LRRTM4: variants seen among roughly 807,000 people sequenced by gnomAD.
LRRTM4 encodes the protein leucine-rich repeat transmembrane neuronal protein 4.
LRRTM4 carries 25 observed loss-of-function variants against 47.6 expected under a neutral mutation model. That is an observed-to-expected ratio of 0.53 (90% CI 0.38 to 0.73). The LOEUF is 0.73. Ranked by LOEUF, LRRTM4 falls within the 30% of genes least tolerant of loss-of-function variation. LRRTM4 has a pLI of 0.00. For missense variants in LRRTM4, 638 were observed against 713.4 expected (o/e 0.89, Z 1.20); for synonymous variants, 311 against 269.5 (o/e 1.15, Z -1.51).
At chr2:77,428,589 G>A (rs1197879912) in intron 3 of LRRTM4, among the ~76,000 whole-genome samples, 1 of 152,062 alleles carries the variant, frequency 6.6e-6, no homozygotes, top group Non-Finnish European at 1.5e-5. Flanking sequence ...TTTTTAAAAG[G>A]TTCACATTTT....
At chr2:76,876,767 A>G (rs1672790873) in intron 3 of LRRTM4, among the ~76,000 whole-genome samples, 1 of 152,042 alleles carries the variant, frequency 6.6e-6, no homozygotes, top group South Asian at 2.1e-4. Flanking sequence ...ACAACAGTAT[A>G]TAATACTTGT....
rs372820350 is a variant in LRRTM4 at position 76,760,950 on chromosome 2, G to A, written c.1552-12034C>T. ...GGTTCTCAGTCCTGGCTGCAACTTT[G>A]ACAAATCTGTAGTGATTTTAAAAAC... On this transcript the variant is annotated intron_variant, in intron 3 of 3. Coordinates refer to ENST00000409884, the MANE Select transcript of LRRTM4 (RefSeq NM_001134745.3). 3.3e-4 allele frequency among the ~76,000 whole-genome samples: 50 copies of A among 152,294 alleles called. No homozygotes were observed. The South Asian group carries it at 9.7e-3, about 30-fold the overall frequency.
At chr2:77,358,173 T>C (rs1672043264) in intron 3 of LRRTM4, among the ~76,000 whole-genome samples, 1 of 152,166 alleles carries the variant, frequency 6.6e-6, no homozygotes, top group Admixed American at 6.5e-5. Flanking sequence ...CATCTGAGCC[T>C]GGGTAATTTA....
chr2:76,939,079 C>T (rs1675048438), intron 3 of LRRTM4, among the ~76,000 whole-genome samples: 1 of 151,944 alleles, frequency 6.6e-6, no homozygotes, highest in Non-Finnish European at 1.5e-5. Context: ...TATTCAGACT[C>T]CAACAACTTT....
At chr2:76,766,696 G>A (rs984981789) in intron 3 of LRRTM4, among the ~76,000 whole-genome samples, 1 of 152,126 alleles carries the variant, frequency 6.6e-6, no homozygotes, top group Admixed American at 6.6e-5. Context: ...TGAAGTAACT[G>A]GTTTCTGCTA....
At chr2:76,992,389 A>C (rs1015024766) in intron 3 of LRRTM4, among the ~76,000 whole-genome samples, 3 of 151,750 alleles carry the variant, frequency 2.0e-5, no homozygotes, top group African/African-American at 4.8e-5. Flanking sequence ...AACCCTAAAG[A>C]CTTTGCCTAA....
intron 3 of LRRTM4, among the ~76,000 whole-genome samples, chr2:76,929,890 TA>T (rs1314558054): frequency 6.6e-6 from 1 of 151,862 alleles, no homozygotes; most frequent in Non-Finnish European, 1.5e-5. Context: ...TGTTTTGTAC[TA>T]AAATTCTAAA....
chr2:77,347,425 T>A (rs546636342), intron 3 of LRRTM4, among the ~76,000 whole-genome samples: 2 of 152,196 alleles, frequency 1.3e-5, no homozygotes, highest in African/African-American at 4.8e-5. Context: ...ACTATTGGAC[T>A]ATTTATTTAT....
chr2:77,013,356 C>T (rs751850420), intron 3 of LRRTM4, among the ~76,000 whole-genome samples: 2 of 152,078 alleles, frequency 1.3e-5, no homozygotes, highest in Admixed American at 6.6e-5. Context: ...TCCCTCAGCT[C>T]GCAGGCAATA....
At chr2:76,972,099 T>C (rs550772680) in intron 3 of LRRTM4, among the ~76,000 whole-genome samples, 3 of 152,158 alleles carry the variant, frequency 2.0e-5, no homozygotes, top group East Asian at 3.9e-4. Flanking sequence ...CAGTCAGTTC[T>C]ATACTAACTC....
chr2:76,916,404 A>G (rs942397186), intron 3 of LRRTM4, among the ~76,000 whole-genome samples: 3 of 126,316 alleles, frequency 2.4e-5, no homozygotes, highest in Admixed American at 8.7e-5. Flanking sequence ...AAAAAAAAAA[A>G]AAAGAAAAGA....
chr2:77,108,733 G>T (rs965823156), intron 3 of LRRTM4, among the ~76,000 whole-genome samples: 4 of 151,566 alleles, frequency 2.6e-5, no homozygotes, highest in South Asian at 2.1e-4. Context: ...ACAGGCGCCC[G>T]CCACCACGCC....
chr2:76,941,569 G>GT (rs1675143790), intron 3 of LRRTM4, among the ~76,000 whole-genome samples: 1 of 151,696 alleles, frequency 6.6e-6, no homozygotes, highest in South Asian at 2.1e-4. Context: ...GCGATTTTTG[G>GT]TTTTTTGTTC....
At chr2:77,434,507 A>G (rs1675514154) in intron 3 of LRRTM4, among the ~76,000 whole-genome samples, 1 of 152,140 alleles carries the variant, frequency 6.6e-6, no homozygotes, top group African/African-American at 2.4e-5. Context: ...TCTTTTAAAA[A>G]CAGTCTTAAA....
At chr2:77,312,879 T>A (rs1023108200) in intron 3 of LRRTM4, among the ~76,000 whole-genome samples, 1 of 152,106 alleles carries the variant, frequency 6.6e-6, no homozygotes, top group Non-Finnish European at 1.5e-5. Flanking sequence ...TGAGGTCAAG[T>A]GAGTGGTTAG....
intron 3 of LRRTM4, among the ~76,000 whole-genome samples, chr2:77,130,822 CTATTT>C (rs1671776884): frequency 9.6e-5 from 5 of 52,030 alleles, no homozygotes. Flanking sequence ...ATTATTTGTT[CTATTT>C]TTTTTTTTTT....
At chr2:77,128,722 C>T (rs1671719177) in intron 3 of LRRTM4, among the ~76,000 whole-genome samples, 1 of 152,190 alleles carries the variant, frequency 6.6e-6, no homozygotes, top group Non-Finnish European at 1.5e-5. Context: ...TTGCTGCTAC[C>T]TCCGCCTCCC....
At chr2:76,795,449 G>C (rs977624816) in intron 3 of LRRTM4, among the ~76,000 whole-genome samples, 1 of 151,960 alleles carries the variant, frequency 6.6e-6, no homozygotes, top group Admixed American at 6.6e-5. Context: ...ATAAAACATT[G>C]TAATGACTAT....
chr2:76,831,668 A>G (rs1351387074), intron 3 of LRRTM4, among the ~76,000 whole-genome samples: 1 of 152,148 alleles, frequency 6.6e-6, no homozygotes, highest in Non-Finnish European at 1.5e-5. Flanking sequence ...ACCATGGTGT[A>G]ATGAATATGT....
Sources: gnomAD v4.1 joint callset for allele counts (sites outside exome capture counted in the v4.1 genomes callset) on GRCh38, gnomAD v4.1.1 for gene constraint, MANE v1.5 for transcripts, NCBI Gene and HGNC (gene_info 2026-07-23, HGNC 2026-07-21) for gene names.